The following COL4A2 variants were observed in gnomAD, a reference collection of about 807,000 sequenced individuals.
The protein encoded by COL4A2 is collagen alpha-2(IV) chain.
Under a neutral mutation model 200.2 loss-of-function variants are expected in COL4A2, and 99 were observed. That is an observed-to-expected ratio of 0.49 (90% confidence interval 0.42 to 0.58). The LOEUF (loss-of-function observed/expected upper bound fraction) is 0.58. Among genes scored for constraint, COL4A2 ranks in the 20% least tolerant of loss-of-function variants. The pLI, the probability that COL4A2 is intolerant of heterozygous loss-of-function variation, is 0.00. For missense variants in COL4A2, 1,950 were observed against 2,314.1 expected (o/e 0.84, Z 3.23); for synonymous variants, 897 against 900.6 (o/e 1.00, Z 0.07).
At chr13:110,430,895 A>C in intron 10 of COL4A2, 1 of 618,616 alleles carries the variant, frequency 1.6e-6, no homozygotes, top group South Asian at 1.4e-5. Flanking sequence ...ATACCTACCC[A>C]GTGACAGACA....
chr13:110,476,688 TTAA>T (rs1356379384), intron 29 of COL4A2, among the ~76,000 whole-genome samples: 2 of 152,176 alleles, frequency 1.3e-5, no homozygotes, highest in Admixed American at 6.5e-5. Flanking sequence ...ACCTCCGGTG[TTAA>T]TAATCGGAGA....
intron 10 of COL4A2, among the ~76,000 whole-genome samples, chr13:110,431,148 G>C (rs7994585): frequency 0.48 from 72,573 of 152,028 alleles, 17,472 homozygotes; most frequent in African/African-American, 0.5. Context: ...TGCACAATGA[G>C]CTGGAAGGTG....
At chr13:110,413,288 G>T (rs181043214) in intron 4 of COL4A2, among the ~76,000 whole-genome samples, 755 of 152,356 alleles carry the variant, frequency 5.0e-3, no homozygotes, top group Non-Finnish European at 7.9e-3. Flanking sequence ...AGTGTGTTCT[G>T]TGTGTCAAAT....
chr13:110,465,957 ATC>A (rs1882224000), intron 25 of COL4A2, 44 bp from the exon 26 acceptor site: 1 of 1,602,052 alleles, frequency 6.2e-7, no homozygotes, highest in Non-Finnish European at 8.5e-7. Flanking sequence ...AGTAACTCTT[ATC>A]TGTTTCAAAA....
chr13:110,353,906 A>C (rs1407129094), intron 3 of COL4A2, among the ~76,000 whole-genome samples: 1 of 152,222 alleles, frequency 6.6e-6, no homozygotes, highest in African/African-American at 2.4e-5. Flanking sequence ...CCATCGGTAC[A>C]TGTAGAAAAG....
At chr13:110,468,002 T>C in intron 27 of COL4A2, 1 of 373,054 alleles carries the variant, frequency 2.7e-6, no homozygotes, top group Non-Finnish European at 5.5e-6. Flanking sequence ...TCCCCACCTA[T>C]GCAAGATGAA....
intron 46 of COL4A2, among the ~76,000 whole-genome samples, chr13:110,507,213 C>G (rs1883916988): frequency 6.6e-6 from 1 of 152,220 alleles, no homozygotes; most frequent in Non-Finnish European, 1.5e-5. Context: ...CAGGTTACAT[C>G]AGGCGTTCTG....
chr13:110,504,280 G>A lies in COL4A2; in HGVS notation c.4402+16G>A. 2 of 1,589,026 alleles carry A rather than the reference G, an allele frequency of 1.3e-6. No individual in the cohort carries two copies. The stretch of plus-strand genomic sequence containing the variant: ...GGCCAAGAAGGTGAGTGACAGTGGG[G>A]AAGGACCTTCCCAGGTCCTAGTGCT... On this transcript the variant is annotated intron_variant, in intron 45 of 47. Transcript: ENST00000360467.
chr13:110,307,787 G>C lies in COL4A2; in HGVS notation c.-44-73G>C. The C allele has an allele frequency of 7.2e-7, 1 of 1,380,856 alleles. No homozygotes were observed. The highest frequency in any genetic ancestry group is 9.8e-7 in the Non-Finnish European group (1 of 1,024,120). The allele number at this position is 1,380,856 out of a possible 1,614,324, so 85.5% of individuals were successfully genotyped here. ...GCACCGCGCTGTCCCCGCGTCTCGCGGACCGAGACCGGCGGTGAGGATGGG... is the reference window on the plus strand; with the variant it reads ...GCACCGCGCTGTCCCCGCGTCTCGCCGACCGAGACCGGCGGTGAGGATGGG... On this transcript the variant is annotated intron_variant, in intron 1 of 47. Coordinates refer to ENST00000360467, the MANE Select transcript of COL4A2 (RefSeq NM_001846.4). The surrounding 1 kb of genome is among the most constrained non-coding windows in gnomAD (Gnocchi z 5.0).
Position 110,485,117 on chromosome 13 carries a change from C to T in COL4A2, c.3025+90C>T, listed in dbSNP as rs1478672292. ...GCCCTTCTCCGTCCCCAGAGACGCCCGTGCCCTCCACCTGGCTTTCTTCGT... is the reference window on the plus strand; with the variant it reads ...GCCCTTCTCCGTCCCCAGAGACGCCTGTGCCCTCCACCTGGCTTTCTTCGT... On this transcript the variant is annotated intron_variant, in intron 33 of 47. Transcript: ENST00000360467. The T allele has an allele frequency of 2.7e-5, 32 of 1,198,590 alleles. 1 individual carries two copies. In the South Asian group the frequency reaches 4.4e-4, roughly 16 times the overall value. 74.2% of individuals were successfully genotyped at this position (1,198,590 alleles called of 1,614,324 possible).
chr13:110,509,580 CTGTT>C (rs1884018158), intron 47 of COL4A2, among the ~76,000 whole-genome samples: 1 of 152,000 alleles, frequency 6.6e-6, no homozygotes. Flanking sequence ...TTGGTTGCTC[CTGTT>C]TTTTTCACTC....
intron 3 of COL4A2, among the ~76,000 whole-genome samples, chr13:110,312,022 CCGCACGAGGCCCAGAGCTTT>C (rs1473909268): frequency 1.3e-5 from 2 of 152,212 alleles, no homozygotes; most frequent in African/African-American, 2.4e-5. Context: ...GGTGTTCATG[CCGCACGAGGCCCAGAGCTTT>C]CTGTAAGGAT....
chr13:110,345,191 G>A lies in COL4A2; in HGVS notation c.100-12281G>A, dbSNP rs1449602784. ...GACTACACTGACAAGGAAGGTGAGGGTATGGAGGACATTCCAAGCTGAAGG... is the reference window on the plus strand; with the variant it reads ...GACTACACTGACAAGGAAGGTGAGGATATGGAGGACATTCCAAGCTGAAGG... On this transcript the variant is annotated intron_variant, in intron 3 of 47. Transcript: ENST00000360467. 1.3e-5 allele frequency among the ~76,000 whole-genome samples: 2 copies of A among 152,174 alleles called. 1 individual carries two copies. Among genetic ancestry groups the A allele is most frequent in the Non-Finnish European group, 2.9e-5 (2 of 68,040 alleles).
rs111531805 is a variant in COL4A2 at position 110,441,925 on chromosome 13, CA to C, written c.957+2106del. On this transcript the variant is annotated intron_variant, in intron 16 of 47. Coordinates refer to ENST00000360467, the MANE Select transcript of COL4A2 (RefSeq NM_001846.4). ...TGAAACCCTGTCTCTACTAAAAATA[CA>C]AAAAAAAAAAAAATTACCTGGGTGT... Among the ~76,000 whole-genome samples the C allele has an allele frequency of 3.5e-3, 455 of 129,214 alleles. 3 individuals carry two copies. Among genetic ancestry groups the C allele is most frequent in the South Asian group, 5.0e-3 (20 of 4,016 alleles). 84.8% of individuals were successfully genotyped at this position (129,214 alleles called of 152,430 possible).
At chr13:110,400,508 A>G (rs112600492) in intron 4 of COL4A2, among the ~76,000 whole-genome samples, 187 of 149,232 alleles carry the variant, frequency 1.3e-3, no homozygotes, top group African/African-American at 4.4e-3. Context: ...CTAAATGTTT[A>G]AAATATGCTT....
At chr13:110,404,877 A>T (rs577293599) in intron 4 of COL4A2, among the ~76,000 whole-genome samples, 1 of 152,312 alleles carries the variant, frequency 6.6e-6, no homozygotes, top group South Asian at 2.1e-4. Context: ...CATGCCTGTA[A>T]TGCCAGCACT....
chr13:110,314,686 G>A lies in COL4A2; in HGVS notation c.99+6563G>A, dbSNP rs562388549. ...AAGGGCAGGCTTGTATCACAGTGTC[G>A]CTGCAAGGACAGAAAACTGACAGTG... is the stretch of plus-strand genomic sequence containing the variant. On this transcript the variant is annotated intron_variant, in intron 3 of 47. Transcript: ENST00000360467. Among the ~76,000 whole-genome samples the A allele has an allele frequency of 8.5e-5, 13 of 152,304 alleles. No individual in the cohort carries two copies. The East Asian group carries it at 1.2e-3, about 14-fold the overall frequency.
At chr13:110,437,484 G>GT (rs758571094) in intron 13 of COL4A2, among the ~76,000 whole-genome samples, 11 of 152,190 alleles carry the variant, frequency 7.2e-5, no homozygotes, top group African/African-American at 2.4e-4. Context: ...GCCAATTGCT[G>GT]TTTCTTTCAC....
At chr13:110,342,972 T>C (rs1876526505) in intron 3 of COL4A2, among the ~76,000 whole-genome samples, 2 of 152,142 alleles carry the variant, frequency 1.3e-5, no homozygotes, top group Admixed American at 1.3e-4. Flanking sequence ...TAGAGCTGGC[T>C]CCTAAAATTT....
Sources: allele counts gnomAD v4.1 joint callset (sites outside exome capture counted in the v4.1 genomes callset), GRCh38; gene constraint gnomAD v4.1.1; non-coding constraint Gnocchi (gnomAD v3.1); transcripts MANE v1.5; gene names NCBI Gene and HGNC (gene_info 2026-07-23, HGNC 2026-07-21).